CEP164: variants seen among roughly 807,000 people sequenced by gnomAD.
CEP164 encodes the protein centrosomal protein of 164 kDa.
A neutral mutation model predicts 182.7 loss-of-function variants in CEP164; 162 were observed. The observed-to-expected ratio is 0.89, with a 90% CI of 0.78 to 1.01. The LOEUF (loss-of-function observed/expected upper bound fraction) is 1.01. CEP164 is among the 50% of genes least tolerant of loss of function. The probability of loss-of-function intolerance (pLI) is 0.00; values close to 1 mark genes in which losing one functional copy is unlikely to be tolerated. For missense variants in CEP164, 1,735 were observed against 1,790.4 expected (o/e 0.97, Z 0.56); for synonymous variants, 661 against 690.0 (o/e 0.96, Z 0.66).
intron 4 of CEP164, 62 bp from the exon 5 acceptor site, chr11:117,351,728 C>CTTTTTTTTTTTTTTTTTTTTTTTTT: frequency 1.5e-6 from 2 of 1,332,824 alleles, no homozygotes; most frequent in Non-Finnish European, 2.0e-6. Context: ...TTTTTCCCCT[C>CTTTTTTTTTTTTTTTTTTTTTTTTT]TTTTTTTTTT....
At chr11:117,337,397 G>T (rs1319075152) in intron 2 of CEP164, among the ~76,000 whole-genome samples, 1 of 151,570 alleles carries the variant, frequency 6.6e-6, no homozygotes, top group African/African-American at 2.4e-5. Flanking sequence ...TCACATTGTG[G>T]ATTAGGGCTT....
chr11:117,396,318 G>C, intron 25 of CEP164, 138 bp downstream of exon 25: 2 of 1,000,638 alleles, frequency 2.0e-6, no homozygotes, highest in Non-Finnish European at 3.0e-6. Flanking sequence ...AGGAGTATAA[G>C]GTGGGCCAAG....
At position 117,363,455 on chromosome 11, in the gene CEP164, T is replaced by G. The variant is rs745843938; in HGVS notation, c.714T>G (p.Leu238=). The G allele has an allele frequency of 6.8e-6, 11 of 1,613,946 alleles. No homozygotes were observed. The East Asian group carries it at 2.0e-4, about 29-fold the overall frequency. Residue 238 remains leucine, a synonymous_variant, in exon 8 of 33, where the codon CTT becomes CTG. Transcript: ENST00000278935. ...GTGTCCACAGCTCAAGTGAGCCTCT[T>G]AGGAACCTACACCTGGACATTGGGG... ...NQSVHSSSEP[L]RNLHLDIGAL...
chr11:117,387,492 A>T (rs1296336091), intron 15 of CEP164, 80 bp downstream of exon 15: 12 of 1,387,582 alleles, frequency 8.6e-6, no homozygotes, highest in Non-Finnish European at 1.2e-5. Flanking sequence ...TAGCCTGGGG[A>T]CCACTGGGAT....
At chr11:117,365,271 CAT>C in intron 8 of CEP164, among the ~76,000 whole-genome samples, 1 of 152,184 alleles carries the variant, frequency 6.6e-6, no homozygotes, top group East Asian at 1.9e-4. Flanking sequence ...GCCTCTGAAA[CAT>C]AGGAAGTGCT....
At chr11:117,386,836 G>C (rs2044016047) in intron 14 of CEP164, 1 of 226,916 alleles carries the variant, frequency 4.4e-6, no homozygotes. Flanking sequence ...GTGGTAACGG[G>C]GCTGTGAGCC....
At chr11:117,333,229 C>T (rs943096297) in intron 1 of CEP164, among the ~76,000 whole-genome samples, 3 of 152,022 alleles carry the variant, frequency 2.0e-5, no homozygotes, top group African/African-American at 4.8e-5. Flanking sequence ...CCCAGCTAGT[C>T]TCAAACTCCT....
intron 5 of CEP164, chr11:117,356,325 C>T (rs563420139): frequency 5.3e-5 from 60 of 1,138,328 alleles, no homozygotes; most frequent in African/African-American, 2.5e-4. Context: ...CAGGACATGC[C>T]GTGCAGACAC....
chr11:117,360,237 A>G (rs1417621294), intron 5 of CEP164, among the ~76,000 whole-genome samples: 1 of 152,010 alleles, frequency 6.6e-6, no homozygotes, highest in African/African-American at 2.4e-5. Flanking sequence ...CAGTGGTTCT[A>G]TCTCACTATA....
Position 117,412,239 on chromosome 11 carries a change from C to A in CEP164, c.*71C>A. 2 of 1,394,328 alleles carry A rather than the reference C, an allele frequency of 1.4e-6. No homozygotes were observed. Among genetic ancestry groups the A allele is most frequent in the Non-Finnish European group, 9.9e-7 (1 of 1,009,922 alleles). The allele number at this position is 1,394,328 out of a possible 1,614,324, so 86.4% of individuals were successfully genotyped here. ...GACCAAGTGCCTGAGGAGCTGCCTG[C>A]CTTCTTCCATCTGAGAAAGCACCCT... On this transcript the variant is annotated 3_prime_UTR_variant, in exon 33 of 33. Coordinates refer to ENST00000278935, the MANE Select transcript of CEP164 (RefSeq NM_014956.5).
At chr11:117,356,348 G>A (rs1171618665) in intron 5 of CEP164, 12 of 1,166,826 alleles carry the variant, frequency 1.0e-5, no homozygotes, top group Non-Finnish European at 9.7e-6. Flanking sequence ...CGCCAGCACA[G>A]TCTGTTGCAT....
intron 1 of CEP164, among the ~76,000 whole-genome samples, chr11:117,331,654 C>T (rs573405228): frequency 2.2e-4 from 34 of 152,200 alleles, no homozygotes; most frequent in African/African-American, 7.9e-4. Context: ...CACTATGCCG[C>T]CTGTCACTGG....
intron 10 of CEP164, among the ~76,000 whole-genome samples, chr11:117,374,996 C>G (rs1050530565): frequency 6.6e-6 from 1 of 152,218 alleles, no homozygotes; most frequent in Admixed American, 6.5e-5. Context: ...CAAACTGGCA[C>G]CAGTGTGGGC....
intron 1 of CEP164, among the ~76,000 whole-genome samples, chr11:117,333,000 A>C (rs191537285): frequency 2.0e-5 from 3 of 152,332 alleles, no homozygotes; most frequent in Admixed American, 2.0e-4. Flanking sequence ...GGCAGATCTA[A>C]GGGCTGCATT....
intron 14 of CEP164, 144 bp downstream of exon 14, chr11:117,383,086 C>T: frequency 2.1e-6 from 2 of 958,282 alleles, no homozygotes; most frequent in Non-Finnish European, 3.0e-6. Context: ...ATCCTTGGTG[C>T]TCTGTGTGCA....
Position 117,409,085 on chromosome 11 carries a change from G to A in CEP164, c.3748+57G>A. The A allele has an allele frequency of 6.2e-7, 1 of 1,608,262 alleles. No individual in the cohort carries two copies. The highest frequency in any genetic ancestry group is 8.5e-7 in the Non-Finnish European group (1 of 1,176,858). ...GGTATCCATGGAATGGGAGGAACTTGGGGAATAGAAGAAGAGCTCTCTTCC... is the reference window on the plus strand; with the variant it reads ...GGTATCCATGGAATGGGAGGAACTTAGGGAATAGAAGAAGAGCTCTCTTCC... On this transcript the variant is annotated intron_variant, in intron 29 of 32. Transcript: ENST00000278935. This position sits in a 1 kb window ranked among gnomAD's most constrained non-coding sequence, Gnocchi z 4.4.
At chr11:117,338,055 T>G (rs996305479) in intron 2 of CEP164, among the ~76,000 whole-genome samples, 6 of 152,116 alleles carry the variant, frequency 3.9e-5, no homozygotes, top group Admixed American at 6.6e-5. Context: ...GAACAGGAAG[T>G]TTTTTTCCCT....
At chr11:117,329,668 A>C (rs904149910) in intron 1 of CEP164, among the ~76,000 whole-genome samples, 1 of 151,986 alleles carries the variant, frequency 6.6e-6, no homozygotes, top group South Asian at 2.1e-4. Flanking sequence ...CAGCTTCCCG[A>C]GTAGCTGGGA....
At chr11:117,389,904 G>A (rs964699513) in intron 15 of CEP164, among the ~76,000 whole-genome samples, 15 of 150,354 alleles carry the variant, frequency 1.0e-4, no homozygotes, top group Non-Finnish European at 1.9e-4. Context: ...TGGAAGAAGT[G>A]CTGTACTACC....
Sources: gnomAD v4.1 joint callset for allele counts (sites outside exome capture counted in the v4.1 genomes callset) on GRCh38, gnomAD v4.1.1 for gene constraint, Gnocchi (gnomAD v3.1) non-coding constraint, MANE v1.5 for transcripts, NCBI Gene and HGNC (gene_info 2026-07-23, HGNC 2026-07-21) for gene names.